ARMH4: variants seen among roughly 807,000 people sequenced by gnomAD.
The protein encoded by ARMH4 is armadillo-like helical domain-containing protein 4.
A neutral mutation model predicts 61.9 loss-of-function variants in ARMH4; 49 were observed. The observed-to-expected ratio is 0.79, with a 90% CI of 0.63 to 1.00. The LOEUF (loss-of-function observed/expected upper bound fraction) is 1.00, where lower values mean the gene tolerates loss of function less well. Ranked by LOEUF, ARMH4 falls within the 50% of genes least tolerant of loss-of-function variation. ARMH4 has a pLI of 0.00. For synonymous variants in ARMH4, 368 were observed against 341.5 expected, an observed-to-expected ratio of 1.08 and a Z score of -0.85; for missense variants, 934 against 930.0, an observed-to-expected ratio of 1.00 and a Z score of -0.06.
chr14:58,047,333 T>C (rs1362413593), intron 5 of ARMH4, among the ~76,000 whole-genome samples: 1 of 152,218 alleles, frequency 6.6e-6, no homozygotes, highest in Non-Finnish European at 1.5e-5. Flanking sequence ...CTGATAAGCA[T>C]TGATCTAATC....
intron 5 of ARMH4, among the ~76,000 whole-genome samples, chr14:58,057,270 T>A (rs1266395122): frequency 6.6e-6 from 1 of 152,250 alleles, no homozygotes; most frequent in Non-Finnish European, 1.5e-5. Flanking sequence ...TTGCATTGAC[T>A]CTTTGACCTG....
intron 5 of ARMH4, among the ~76,000 whole-genome samples, chr14:58,022,409 C>A (rs1452818910): frequency 6.6e-6 from 1 of 152,202 alleles, no homozygotes; most frequent in East Asian, 1.9e-4. Flanking sequence ...AACATATCCC[C>A]ATGTTCCAGG....
At chr14:58,073,999 T>C (rs895658647) in intron 5 of ARMH4, among the ~76,000 whole-genome samples, 1 of 152,218 alleles carries the variant, frequency 6.6e-6, no homozygotes, top group African/African-American at 2.4e-5. Context: ...CAAAATTGAA[T>C]CATTGAGGTT....
intron 5 of ARMH4, among the ~76,000 whole-genome samples, chr14:58,018,272 C>T (rs1374366281): frequency 2.0e-5 from 3 of 151,788 alleles, no homozygotes; most frequent in African/African-American, 7.3e-5. Flanking sequence ...AATAGAAAAC[C>T]GGGATTTTAT....
At chr14:58,067,592 T>G (rs1214449599) in intron 5 of ARMH4, among the ~76,000 whole-genome samples, 2 of 152,234 alleles carry the variant, frequency 1.3e-5, no homozygotes, top group Non-Finnish European at 2.9e-5. Context: ...TTGTGCGGTC[T>G]GCTCCAAAAA....
intron 5 of ARMH4, among the ~76,000 whole-genome samples, chr14:58,095,593 C>G (rs541135758): frequency 6.6e-6 from 1 of 152,284 alleles, no homozygotes; most frequent in African/African-American, 2.4e-5. Context: ...CCAATGCATG[C>G]TGAATTTGGC....
At chr14:58,080,948 A>G (rs1457141532) in intron 5 of ARMH4, among the ~76,000 whole-genome samples, 1 of 151,902 alleles carries the variant, frequency 6.6e-6, no homozygotes, top group Non-Finnish European at 1.5e-5. Flanking sequence ...CTAAAAACAG[A>G]AAAATTAGCC....
At chr14:58,140,576 AAAATAAAT>A (rs142870008) in intron 1 of ARMH4, among the ~76,000 whole-genome samples, 51 of 149,672 alleles carry the variant, frequency 3.4e-4, no homozygotes, top group African/African-American at 1.0e-3. Flanking sequence ...ATCCGTCTCA[AAAATAAAT>A]AAATAAATAA....
At chr14:58,012,697 T>A (rs943604238) in intron 5 of ARMH4, among the ~76,000 whole-genome samples, 1 of 152,180 alleles carries the variant, frequency 6.6e-6, no homozygotes, top group Non-Finnish European at 1.5e-5. Context: ...GAAAGACATA[T>A]AACTTGTGAA....
At chr14:58,020,880 G>A (rs1034318600) in intron 5 of ARMH4, among the ~76,000 whole-genome samples, 1 of 152,206 alleles carries the variant, frequency 6.6e-6, no homozygotes, top group Non-Finnish European at 1.5e-5. Flanking sequence ...TCTACTGCCT[G>A]TAAACTGGAG....
At chr14:58,043,363 A>G (rs940027240) in intron 5 of ARMH4, among the ~76,000 whole-genome samples, 6 of 152,158 alleles carry the variant, frequency 3.9e-5, no homozygotes, top group Non-Finnish European at 5.9e-5. Flanking sequence ...CCACATGATT[A>G]TCTCAATAGA....
At chr14:58,050,041 T>C (rs1400012391) in intron 5 of ARMH4, among the ~76,000 whole-genome samples, 2 of 152,224 alleles carry the variant, frequency 1.3e-5, no homozygotes, top group Admixed American at 1.3e-4. Flanking sequence ...GGTGCTCACA[T>C]AGAGAATTGA....
intron 5 of ARMH4, among the ~76,000 whole-genome samples, chr14:58,060,088 G>A (rs1884479815): frequency 6.6e-6 from 1 of 152,174 alleles, no homozygotes; most frequent in Non-Finnish European, 1.5e-5. Flanking sequence ...TAAGTCCATT[G>A]TATTATAGTC....
intron 5 of ARMH4, among the ~76,000 whole-genome samples, chr14:58,016,111 G>A (rs902314470): frequency 7.2e-5 from 11 of 151,992 alleles, no homozygotes; most frequent in African/African-American, 2.7e-4. Context: ...TCCAGTTATA[G>A]AAGACATGTA....
At chr14:58,045,793 T>G (rs1332222562) in intron 5 of ARMH4, among the ~76,000 whole-genome samples, 1 of 152,092 alleles carries the variant, frequency 6.6e-6, no homozygotes, top group Non-Finnish European at 1.5e-5. Flanking sequence ...ATATGACTGA[T>G]GTTCTTATAA....
At chr14:58,146,909 T>C (rs1339728569) in intron 1 of ARMH4, among the ~76,000 whole-genome samples, 2 of 152,200 alleles carry the variant, frequency 1.3e-5, no homozygotes, top group Admixed American at 6.5e-5. Context: ...TAAGGCACAA[T>C]GAGCATCGCC....
rs142025183 is a variant in ARMH4 at position 58,096,766 on chromosome 14, C to T, written c.2047G>A (p.Val683Met). 1.2e-6 allele frequency: 2 copies of T among 1,614,100 alleles called. No individual in the cohort carries two copies. The highest frequency in any genetic ancestry group is 1.7e-6 in the Non-Finnish European group (2 of 1,180,016). ...TGTTCCCACTCGAGGGCATCTGGCA[C>T]CTGGTAGGTAGCTCCCTCCAACAGG... The part of the protein sequence containing the change: ...MDLLEGATYQ[V>M]PDALEWEQQN... Residue 683 changes from valine to methionine, a missense_variant, in exon 5 of 8, where the codon GTG becomes ATG. By Grantham distance (21) the Val-to-Met change is conservative (BLOSUM62 1). Coordinates refer to ENST00000267485, the MANE Select transcript of ARMH4 (RefSeq NM_001001872.4).
In ARMH4 at chr14:58,139,202, C is replaced by T. The variant is rs373177726; in HGVS notation, c.157G>A (p.Asp53Asn). Residue 53 changes from aspartate to asparagine, a missense_variant, in exon 2 of 8, where the codon GAT becomes AAT. Coordinates refer to ENST00000267485, the MANE Select transcript of ARMH4 (RefSeq NM_001001872.4). ...EKGQSDKMNTDDLENSSVTSK... is the reference protein window; with the variant it reads ...EKGQSDKMNTNDLENSSVTSK... Reference sequence around the variant, plus strand: ...GTAACAGAGCTATTTTCTAGGTCATCGGTGTTCATCTTATCGGACTGCCCT... The same window carrying T: ...GTAACAGAGCTATTTTCTAGGTCATTGGTGTTCATCTTATCGGACTGCCCT... The T allele has an allele frequency of 5.0e-5, 81 of 1,614,088 alleles. No homozygotes were observed. The highest frequency in any genetic ancestry group is 2.5e-5 in the Non-Finnish European group (29 of 1,180,048).
chr14:58,009,322 G>A (rs1882299527), intron 6 of ARMH4, among the ~76,000 whole-genome samples: 1 of 152,134 alleles, frequency 6.6e-6, no homozygotes, highest in African/African-American at 2.4e-5. Flanking sequence ...AGAAAGGGGT[G>A]TCATTAGCCT....
Sources: gnomAD v4.1 joint callset for allele counts (sites outside exome capture counted in the v4.1 genomes callset) on GRCh38, gnomAD v4.1.1 for gene constraint, MANE v1.5 for transcripts, NCBI Gene and HGNC (gene_info 2026-07-23, HGNC 2026-07-21) for gene names.